Variants in PARD3 observed in about 807,000 individuals in gnomAD.
The protein encoded by PARD3 is par-3 family cell polarity regulator.
PARD3 carries 75 observed loss-of-function variants against 155.4 expected under a neutral mutation model. That is an observed-to-expected ratio of 0.48 (90% confidence interval 0.40 to 0.58). The LOEUF (loss-of-function observed/expected upper bound fraction) is 0.58, where lower values mean the gene tolerates loss of function less well. Ranked by LOEUF, PARD3 falls within the 20% of genes least tolerant of loss-of-function variation. The pLI is 0.00. For missense variants in PARD3, 1,642 were observed against 1,721.7 expected (o/e 0.95, Z 0.82); for synonymous variants, 576 against 610.5 (o/e 0.94, Z 0.83).
intron 12 of PARD3, among the ~76,000 whole-genome samples, chr10:34,370,778 T>A (rs1840503151): frequency 6.6e-6 from 1 of 151,822 alleles, no homozygotes; most frequent in African/African-American, 2.4e-5. Context: ...ATTTATTCTA[T>A]AACTATTTCA....
At chr10:34,608,252 G>A (rs949687062) in intron 2 of PARD3, among the ~76,000 whole-genome samples, 2 of 152,174 alleles carry the variant, frequency 1.3e-5, no homozygotes, top group East Asian at 1.9e-4. Context: ...ACCCACAACC[G>A]TTTCTCCATG....
At chr10:34,208,889 TA>T (rs1017453726) in intron 22 of PARD3, among the ~76,000 whole-genome samples, 3 of 152,262 alleles carry the variant, frequency 2.0e-5, no homozygotes, top group African/African-American at 7.2e-5. Context: ...CAATGACTAT[TA>T]AATGTTTGAA....
At chr10:34,716,654 G>A (rs955657427) in intron 1 of PARD3, among the ~76,000 whole-genome samples, 1 of 142,138 alleles carries the variant, frequency 7.0e-6, no homozygotes, top group African/African-American at 2.7e-5. Context: ...GTGCAATGGT[G>A]CAATCTTGGC....
chr10:34,788,502 T>C (rs1314734870), intron 1 of PARD3, among the ~76,000 whole-genome samples: 4 of 149,748 alleles, frequency 2.7e-5, no homozygotes. Context: ...CAAGCTGGAG[T>C]GCAGTGGCAC....
chr10:34,631,996 C>T (rs192214795), intron 2 of PARD3, among the ~76,000 whole-genome samples: 2 of 152,250 alleles, frequency 1.3e-5, no homozygotes, highest in East Asian at 3.9e-4. Context: ...AAATATTAGC[C>T]TGAGGCCAGG....
At chr10:34,576,044 A>G (rs1217928270) in intron 2 of PARD3, among the ~76,000 whole-genome samples, 2 of 152,226 alleles carry the variant, frequency 1.3e-5, no homozygotes, top group Non-Finnish European at 2.9e-5. Context: ...TGCTTCTTCA[A>G]GCTCTGCAGG....
At chr10:34,640,764 C>CACCTATCCA (rs2092654015) in intron 2 of PARD3, among the ~76,000 whole-genome samples, 1 of 110,534 alleles carries the variant, frequency 9.0e-6, no homozygotes, top group Non-Finnish European at 1.9e-5. Flanking sequence ...AATTTGACAA[C>CACCTATCCA]ACCTATCCAA....
intron 22 of PARD3, among the ~76,000 whole-genome samples, chr10:34,139,133 A>G (rs113896378): frequency 1.3e-5 from 2 of 152,346 alleles, no homozygotes; most frequent in African/African-American, 2.4e-5. Context: ...AAGTCCTACA[A>G]CTTAAGAAAC....
chr10:34,287,373 T>C (rs1250135587), intron 20 of PARD3, among the ~76,000 whole-genome samples: 1 of 152,182 alleles, frequency 6.6e-6, no homozygotes, highest in Non-Finnish European at 1.5e-5. Flanking sequence ...TAAGACATTG[T>C]GCTGGCTCAC....
Position 34,348,127 on chromosome 10 carries a change from C to A in PARD3, c.2068-12G>T. The A allele has an allele frequency of 6.3e-7, 1 of 1,593,490 alleles. No individual in the cohort carries two copies. The highest frequency in any genetic ancestry group is 8.5e-7 in the Non-Finnish European group (1 of 1,170,900). Reference sequence around the variant, plus strand: ...CCAGGTGACTTCAGCTACAGAGTAACGGGTATGGGGGCAAAGAAAAATCAG... The same window carrying A: ...CCAGGTGACTTCAGCTACAGAGTAAAGGGTATGGGGGCAAAGAAAAATCAG... On this transcript the variant is annotated splice_polypyrimidine_tract_variant and intron_variant, in intron 14 of 24. Coordinates refer to ENST00000374788, the MANE Select transcript of PARD3 (RefSeq NM_001184785.2).
chr10:34,189,149 T>C (rs904716720), intron 22 of PARD3, among the ~76,000 whole-genome samples: 1 of 151,910 alleles, frequency 6.6e-6, no homozygotes, highest in Non-Finnish European at 1.5e-5. Flanking sequence ...CTGGGCAACA[T>C]AGAAAGACCC....
intron 5 of PARD3, among the ~76,000 whole-genome samples, chr10:34,406,981 A>C (rs1479161524): frequency 6.6e-6 from 1 of 152,334 alleles, no homozygotes; most frequent in Non-Finnish European, 1.5e-5. Flanking sequence ...AACCAGAAGC[A>C]GTATAAAAGG....
intron 1 of PARD3, among the ~76,000 whole-genome samples, chr10:34,698,756 T>A (rs1266967761): frequency 1.3e-5 from 2 of 152,168 alleles, no homozygotes; most frequent in African/African-American, 4.8e-5. Context: ...GAAGATAGAG[T>A]CAGGTGTCAA....
At chr10:34,475,128 T>C (rs2078627015) in intron 3 of PARD3, among the ~76,000 whole-genome samples, 1 of 152,152 alleles carries the variant, frequency 6.6e-6, no homozygotes, top group Non-Finnish European at 1.5e-5. Context: ...TATGGGAGGG[T>C]AGAGCTAGTG....
chr10:34,676,227 T>G (rs2133290799), intron 2 of PARD3, among the ~76,000 whole-genome samples: 1 of 152,292 alleles, frequency 6.6e-6, no homozygotes, highest in African/African-American at 2.4e-5. Flanking sequence ...ATTTTAAAAC[T>G]TATGTTTTCT....
chr10:34,426,845 G>A, intron 5 of PARD3: 1 of 152,280 alleles, frequency 6.6e-6, no homozygotes, highest in East Asian at 1.9e-4. Context: ...AGCCATGGCA[G>A]AAGAACATAA....
chr10:34,179,163 TGCGCGCAC>T (rs1950160042), intron 22 of PARD3, among the ~76,000 whole-genome samples: 1 of 131,066 alleles, frequency 7.6e-6, no homozygotes, highest in East Asian at 2.2e-4. Flanking sequence ...CGCATGTGCG[TGCGCGCAC>T]ACACACACAC....
chr10:34,492,003 A>G (rs1336703138), intron 3 of PARD3, among the ~76,000 whole-genome samples: 6 of 152,220 alleles, frequency 3.9e-5, no homozygotes, highest in Non-Finnish European at 8.8e-5. Flanking sequence ...CAATATTGAA[A>G]ATCATTTCCT....
chr10:34,414,692 T>C (rs1845485344), intron 5 of PARD3, among the ~76,000 whole-genome samples: 1 of 151,888 alleles, frequency 6.6e-6, no homozygotes, highest in Non-Finnish European at 1.5e-5. Context: ...CAATCTATTA[T>C]ATATTTCAAA....
Sources: allele counts gnomAD v4.1 joint callset (sites outside exome capture counted in the v4.1 genomes callset), GRCh38; gene constraint gnomAD v4.1.1; transcripts MANE v1.5; gene names NCBI Gene and HGNC (gene_info 2026-07-23, HGNC 2026-07-21).